The following SETBP1 variants were observed in gnomAD, a reference collection of about 807,000 sequenced individuals.
The protein encoded by SETBP1 is SET binding protein 1, also known as SET-binding protein.
SETBP1 carries 9 observed loss-of-function variants against 101.0 expected under a neutral mutation model. The observed-to-expected ratio is 0.09, with a 90% confidence interval of 0.05 to 0.16. SETBP1 has a LOEUF of 0.16. SETBP1 is among the 10% of genes least tolerant of loss of function. SETBP1 has a pLI of 1.00. For missense variants in SETBP1, 1,858 were observed against 2,033.8 expected, an observed-to-expected ratio of 0.91 and a Z score of 1.66; for synonymous variants, 818 against 788.5, an observed-to-expected ratio of 1.04 and a Z score of -0.63.
intron 3 of SETBP1, among the ~76,000 whole-genome samples, chr18:44,875,408 C>T (rs2069376202): frequency 6.6e-6 from 1 of 151,390 alleles, no homozygotes; most frequent in South Asian, 2.1e-4. Context: ...GTCCCAGCTA[C>T]TCTGGAGAGT....
At chr18:44,790,331 C>CT (rs1351092036) in intron 2 of SETBP1, among the ~76,000 whole-genome samples, 5 of 152,162 alleles carry the variant, frequency 3.3e-5, no homozygotes, top group Admixed American at 6.5e-5. Flanking sequence ...AAAGGCAACT[C>CT]TAAGATACTG....
At chr18:44,818,166 A>G (rs558319810) in intron 2 of SETBP1, among the ~76,000 whole-genome samples, 1 of 152,296 alleles carries the variant, frequency 6.6e-6, no homozygotes, top group South Asian at 2.1e-4. Flanking sequence ...CTAACCCCAC[A>G]TTCTGCACTC....
chr18:45,025,325 T>C (rs2073143406), intron 4 of SETBP1, among the ~76,000 whole-genome samples: 2 of 152,164 alleles, frequency 1.3e-5, no homozygotes, highest in South Asian at 4.1e-4. Context: ...CATCTAGAAA[T>C]TGATCATTCT....
At position 44,685,608 on chromosome 18, in the gene SETBP1, T is replaced by C. The variant is rs192709414; in HGVS notation, c.-173+4587T>C. Among the ~76,000 whole-genome samples the C allele has an allele frequency of 3.6e-4, 55 of 152,204 alleles. 2 individuals are homozygous for C. The highest frequency in any genetic ancestry group is 3.4e-3 in the Middle Eastern group (1 of 294). ...ACCTCTCTGAGCCTCCGGAACCTAA[T>C]CAGTAAAATAAAGATAAAGATGCTT... On this transcript the variant is annotated intron_variant, in intron 1 of 5. Coordinates refer to ENST00000649279, the MANE Select transcript of SETBP1 (RefSeq NM_015559.3).
intron 2 of SETBP1, among the ~76,000 whole-genome samples, chr18:44,817,126 ATGACT>A (rs1279263198): frequency 2.0e-5 from 3 of 152,210 alleles, no homozygotes; most frequent in Non-Finnish European, 4.4e-5. Flanking sequence ...TTGGATCCAA[ATGACT>A]TTATGTAGTG....
chr18:44,778,060 T>A (rs1480311034), intron 2 of SETBP1, among the ~76,000 whole-genome samples: 1 of 152,158 alleles, frequency 6.6e-6, no homozygotes, highest in East Asian at 1.9e-4. Context: ...GCTGGCGTGT[T>A]CTCTAAAGCG....
intron 2 of SETBP1, among the ~76,000 whole-genome samples, chr18:44,783,958 G>T (rs1438902039): frequency 2.6e-5 from 4 of 152,208 alleles, no homozygotes; most frequent in Non-Finnish European, 1.5e-5. Context: ...AAGAAAAGAA[G>T]TGGGAAGCCT....
chr18:44,837,848 C>T (rs995065171), intron 2 of SETBP1, among the ~76,000 whole-genome samples: 13 of 152,184 alleles, frequency 8.5e-5, no homozygotes, highest in Non-Finnish European at 1.6e-4. Flanking sequence ...GATTATCTGT[C>T]GTTTCAGATT....
chr18:44,894,735 CA>C (rs1323869175), intron 3 of SETBP1, among the ~76,000 whole-genome samples: 1 of 151,782 alleles, frequency 6.6e-6, no homozygotes, highest in Non-Finnish European at 1.5e-5. Context: ...GAGGCAAGTA[CA>C]GTACAAAAAT....
At chr18:44,752,772 G>A (rs570752386) in intron 2 of SETBP1, among the ~76,000 whole-genome samples, 7 of 152,116 alleles carry the variant, frequency 4.6e-5, no homozygotes, top group Non-Finnish European at 1.0e-4. Flanking sequence ...ATCACTGACT[G>A]GTCCATGGGG....
intron 3 of SETBP1, among the ~76,000 whole-genome samples, chr18:44,905,896 G>A (rs1427082004): frequency 6.6e-6 from 1 of 152,172 alleles, no homozygotes; most frequent in Non-Finnish European, 1.5e-5. Flanking sequence ...TTGCCTCCAT[G>A]CCAGAAAGTT....
Position 45,032,829 on chromosome 18 carries a change from A to T in SETBP1, c.4001-5656A>T, listed in dbSNP as rs549169159. On this transcript the variant is annotated intron_variant, in intron 4 of 5. Coordinates refer to ENST00000649279, the MANE Select transcript of SETBP1 (RefSeq NM_015559.3). ...CTAATTCACCCAAAGATGCCATATG[A>T]ATAGTAGCAGAGGCTCTGTCTTCTG... is the stretch of plus-strand genomic sequence containing the variant. 2.5e-4 allele frequency among the ~76,000 whole-genome samples: 38 copies of T among 152,302 alleles called. No homozygotes were observed. In the South Asian group the frequency reaches 7.7e-3, roughly 31 times the overall value.
chr18:44,952,780 T>C lies in SETBP1; in HGVS notation c.3440T>C (p.Leu1147Pro), dbSNP rs766688797. Residue 1147 changes from leucine (L) to proline (P), a missense_variant, in exon 4 of 6, where the codon CTC (leucine) becomes CCC (proline). Physicochemically the swap from Leu to Pro is moderately conservative, Grantham distance 98. Coordinates refer to ENST00000649279, the MANE Select transcript of SETBP1 (RefSeq NM_015559.3). ...AGTGCCAGTCTGTCCAGTGGTCGGCTCCATAAGAGGAAACACAAACACAAG... is the reference window on the plus strand; with the variant it reads ...AGTGCCAGTCTGTCCAGTGGTCGGCCCCATAAGAGGAAACACAAACACAAG... Reference protein sequence around the residue: ...VGSASLSSGRLHKRKHKHKHK... With the variant: ...VGSASLSSGRPHKRKHKHKHK... 8.7e-6 allele frequency: 14 copies of C among 1,613,846 alleles called. No individual in the cohort carries two copies. The African/African-American group carries it at 1.2e-4, about 14-fold the overall frequency.
At chr18:44,925,984 G>T (rs1219581901) in intron 3 of SETBP1, among the ~76,000 whole-genome samples, 2 of 152,198 alleles carry the variant, frequency 1.3e-5, no homozygotes, top group Non-Finnish European at 2.9e-5. Context: ...ACCCTCAGCT[G>T]GGAAGGGGGA....
At chr18:44,727,806 T>G (rs1028675322) in intron 2 of SETBP1, among the ~76,000 whole-genome samples, 1 of 152,204 alleles carries the variant, frequency 6.6e-6, no homozygotes, top group Non-Finnish European at 1.5e-5. Flanking sequence ...CTTCCCTTGT[T>G]GGGTCAAAGT....
chr18:45,022,430 C>T (rs1219889176), intron 4 of SETBP1, among the ~76,000 whole-genome samples: 1 of 152,312 alleles, frequency 6.6e-6, no homozygotes, highest in East Asian at 1.9e-4. Context: ...TGAGTGCAAC[C>T]ACCTTCTCAG....
chr18:44,941,818 A>T (rs1310583368), intron 3 of SETBP1, among the ~76,000 whole-genome samples: 2 of 150,684 alleles, frequency 1.3e-5, no homozygotes, highest in Admixed American at 6.6e-5. Flanking sequence ...TCATTTTATT[A>T]TTTTAGTGTA....
chr18:44,804,464 T>C (rs1202906746), intron 2 of SETBP1, among the ~76,000 whole-genome samples: 3 of 152,142 alleles, frequency 2.0e-5, no homozygotes, highest in African/African-American at 7.2e-5. Flanking sequence ...TGGCAGAATA[T>C]GACAGGTAGA....
intron 2 of SETBP1, among the ~76,000 whole-genome samples, chr18:44,750,463 C>T (rs1275195978): frequency 2.0e-5 from 3 of 152,198 alleles, no homozygotes; most frequent in Non-Finnish European, 4.4e-5. Context: ...TATCATCACA[C>T]TGGGGGTTAG....
Sources: gnomAD v4.1 joint callset for allele counts (sites outside exome capture counted in the v4.1 genomes callset) on GRCh38, gnomAD v4.1.1 for gene constraint, MANE v1.5 for transcripts, NCBI Gene and HGNC (gene_info 2026-07-23, HGNC 2026-07-21) for gene names.